The following FBXL17 variants were observed in gnomAD, a reference collection of about 807,000 sequenced individuals.
The protein encoded by FBXL17 is F-box and leucine rich repeat protein 17.
In FBXL17, 22 loss-of-function variants were observed where a neutral mutation model predicts 66.2. The observed-to-expected ratio is 0.33, with a 90% CI of 0.24 to 0.47. The LOEUF is 0.47. Ranked by LOEUF, FBXL17 falls within the 20% of genes least tolerant of loss-of-function variation. The pLI is 1.00. For synonymous variants in FBXL17, 474 were observed against 400.5 expected (o/e 1.18, Z -2.19); for missense variants, 878 against 948.2 (o/e 0.93, Z 0.97).
chr5:108,065,496 T>C (rs1748083626), intron 6 of FBXL17, among the ~76,000 whole-genome samples: 1 of 152,216 alleles, frequency 6.6e-6, no homozygotes, highest in East Asian at 1.9e-4. Flanking sequence ...AATTAATCCC[T>C]TGTACGTTGT....
intron 6 of FBXL17, among the ~76,000 whole-genome samples, chr5:108,037,166 A>G (rs563331213): frequency 6.6e-6 from 1 of 152,188 alleles, no homozygotes; most frequent in Non-Finnish European, 1.5e-5. Flanking sequence ...AGACACCATG[A>G]TATTTATTTT....
intron 4 of FBXL17, among the ~76,000 whole-genome samples, chr5:108,260,054 G>A (rs990223347): frequency 2.0e-5 from 3 of 151,150 alleles, no homozygotes; most frequent in Non-Finnish European, 4.4e-5. Flanking sequence ...ACCTATGTAC[G>A]TTGAAGTCAG....
In FBXL17 at chr5:108,081,088, TCAAACTGA is replaced by T. The variant is rs1748743790; in HGVS notation, c.1746-60095_1746-60088del. Reference sequence around the variant, plus strand: ...TGACCAAGCCCTGCTATCTGTCATGTCAAACTGACTCTACACTAGAGTCAGTTTGGAAT... The same window carrying T: ...TGACCAAGCCCTGCTATCTGTCATGTCTCTACACTAGAGTCAGTTTGGAAT... On this transcript the variant is annotated intron_variant, in intron 6 of 8. Coordinates refer to ENST00000542267, the MANE Select transcript of FBXL17 (RefSeq NM_001163315.3). 3.9e-5 allele frequency among the ~76,000 whole-genome samples: 6 copies of T among 152,282 alleles called. No individual in the cohort carries two copies. In the South Asian group the frequency reaches 1.2e-3, roughly 32 times the overall value.
In FBXL17 at chr5:108,154,606, A is replaced by AATAT. The variant is rs1204231735; in HGVS notation, c.1745+31507_1745+31510dup. Among the ~76,000 whole-genome samples, 31 of 96,720 alleles carry AATAT rather than the reference A, an allele frequency of 3.2e-4. 1 individual carries two copies. The East Asian group carries it at 7.1e-3, about 22-fold the overall frequency. The allele number at this position is 96,720 out of a possible 152,430, so 63.5% of individuals were successfully genotyped here. The stretch of plus-strand genomic sequence containing the variant: ...ACTCAGTTTCAAAAAAAAAAAAAAA[A>AATAT]ATATATATATACACACACACACACA... On this transcript the variant is annotated intron_variant, in intron 6 of 8. Transcript: ENST00000542267.
Position 107,963,500 on chromosome 5 carries a change from A to G in FBXL17, c.1822+57425T>C, listed in dbSNP as rs535736089. Among the ~76,000 whole-genome samples, 3 of 152,290 alleles carry G rather than the reference A, an allele frequency of 2.0e-5. No individual in the cohort carries two copies. In the South Asian group the frequency reaches 6.2e-4, roughly 32 times the overall value. Reference sequence around the variant, plus strand: ...GCAAAAGCTTTGAAGTCAGAAAAAAAATGGGTTTTAATGGTGGATTCTCTA... The same window carrying G: ...GCAAAAGCTTTGAAGTCAGAAAAAAGATGGGTTTTAATGGTGGATTCTCTA... On this transcript the variant is annotated intron_variant, in intron 7 of 8. Transcript: ENST00000542267.
chr5:108,290,534 T>G (rs775791453), intron 4 of FBXL17, among the ~76,000 whole-genome samples: 1 of 152,154 alleles, frequency 6.6e-6, no homozygotes, highest in Non-Finnish European at 1.5e-5. Context: ...GATTGGCAAA[T>G]ATTGTAAAAA....
intron 6 of FBXL17, among the ~76,000 whole-genome samples, chr5:108,106,797 T>A (rs144114653): frequency 6.8e-4 from 104 of 152,306 alleles, no homozygotes; most frequent in African/African-American, 2.5e-3. Flanking sequence ...CTTTTGGGAC[T>A]GATGAAAATT....
intron 5 of FBXL17, among the ~76,000 whole-genome samples, chr5:108,193,308 A>T (rs981858733): frequency 2.6e-5 from 4 of 152,218 alleles, no homozygotes; most frequent in Non-Finnish European, 5.9e-5. Context: ...GGTCAGAGAA[A>T]GGCAGTTATA....
At chr5:107,950,117 T>C (rs1431464890) in intron 7 of FBXL17, among the ~76,000 whole-genome samples, 1 of 152,070 alleles carries the variant, frequency 6.6e-6, no homozygotes, top group Non-Finnish European at 1.5e-5. Context: ...GCAATTCACA[T>C]GAAAGGGAGA....
At chr5:108,300,182 T>G (rs1041526780) in intron 4 of FBXL17, among the ~76,000 whole-genome samples, 2 of 151,970 alleles carry the variant, frequency 1.3e-5, no homozygotes, top group Non-Finnish European at 2.9e-5. Context: ...AAAATAATTT[T>G]CAAAAGTTTT....
chr5:107,959,199 G>C (rs1751792321), intron 7 of FBXL17, among the ~76,000 whole-genome samples: 1 of 152,136 alleles, frequency 6.6e-6, no homozygotes, highest in Non-Finnish European at 1.5e-5. Context: ...TAGGAATGCT[G>C]ATGGGTGAAA....
At chr5:108,159,590 C>A (rs1231424837) in intron 6 of FBXL17, among the ~76,000 whole-genome samples, 1 of 152,152 alleles carries the variant, frequency 6.6e-6, no homozygotes, top group Non-Finnish European at 1.5e-5. Context: ...TGGGCCCTCA[C>A]CAGACCCCAA....
intron 7 of FBXL17, among the ~76,000 whole-genome samples, chr5:107,949,246 G>A (rs1427598389): frequency 1.3e-5 from 2 of 151,196 alleles, no homozygotes; most frequent in African/African-American, 4.9e-5. Context: ...TACAACAAGA[G>A]AAGTAACATG....
intron 5 of FBXL17, among the ~76,000 whole-genome samples, chr5:108,197,750 T>G (rs972050218): frequency 6.6e-6 from 1 of 152,156 alleles, no homozygotes; most frequent in African/African-American, 2.4e-5. Flanking sequence ...TGTCATATAT[T>G]TTTATTTTCT....
At chr5:108,058,644 C>T (rs1411363972) in intron 6 of FBXL17, among the ~76,000 whole-genome samples, 1 of 151,980 alleles carries the variant, frequency 6.6e-6, no homozygotes, top group African/African-American at 2.4e-5. Context: ...GCTGCCACAC[C>T]CGGCTAATTT....
At chr5:108,351,259 T>C (rs545910961) in intron 3 of FBXL17, among the ~76,000 whole-genome samples, 4 of 152,274 alleles carry the variant, frequency 2.6e-5, no homozygotes, top group African/African-American at 9.6e-5. Context: ...GTTGGAAGGA[T>C]GAGAGGATAA....
intron 7 of FBXL17, among the ~76,000 whole-genome samples, chr5:107,921,292 T>C (rs1179311672): frequency 6.6e-6 from 1 of 151,160 alleles, no homozygotes; most frequent in East Asian, 1.9e-4. Context: ...AGAAATTCTG[T>C]AAAGTTAAAC....
At chr5:108,050,154 C>A (rs1747414219) in intron 6 of FBXL17, among the ~76,000 whole-genome samples, 2 of 152,200 alleles carry the variant, frequency 1.3e-5, no homozygotes, top group Admixed American at 1.3e-4. Flanking sequence ...CTTTAACAAC[C>A]CTCTGTCAAT....
intron 4 of FBXL17, among the ~76,000 whole-genome samples, chr5:108,344,796 AC>A (rs1413146323): frequency 2.6e-5 from 4 of 152,200 alleles, no homozygotes; most frequent in African/African-American, 4.8e-5. Flanking sequence ...ATATGCTCAA[AC>A]TAAATATGAC....
Sources: gnomAD v4.1 joint callset for allele counts (sites outside exome capture counted in the v4.1 genomes callset) on GRCh38, gnomAD v4.1.1 for gene constraint, MANE v1.5 for transcripts, NCBI Gene and HGNC (gene_info 2026-07-23, HGNC 2026-07-21) for gene names.